The following VIT variants were observed in gnomAD, a reference collection of about 807,000 sequenced individuals.
VIT encodes vitrin.
VIT carries 99 observed loss-of-function variants against 78.0 expected under a neutral mutation model. The observed-to-expected ratio is 1.27, with a 90% CI of 1.08 to 1.50. The LOEUF is 1.50. VIT is among the 40% of genes most tolerant of loss of function. The probability of loss-of-function intolerance (pLI) is 0.00; values close to 1 mark genes in which losing one functional copy is unlikely to be tolerated. For synonymous variants in VIT, 374 were observed against 334.3 expected (o/e 1.12, Z -1.29); for missense variants, 1,126 against 875.3 (o/e 1.29, Z -3.61).
At chr2:36,745,662 T>C (rs757879992) in intron 4 of VIT, among the ~76,000 whole-genome samples, 83 of 152,274 alleles carry the variant, frequency 5.5e-4, no homozygotes, top group Middle Eastern at 3.4e-3. Context: ...GGTTTTGTAT[T>C]CGGAAAATTT....
At chr2:36,803,799 C>G (rs540880945) in intron 13 of VIT, among the ~76,000 whole-genome samples, 9 of 152,282 alleles carry the variant, frequency 5.9e-5, no homozygotes, top group East Asian at 1.9e-4. Context: ...AAAGAAGGTG[C>G]TTCTTAACTT....
At chr2:36,752,428 G>A (rs761927407) in intron 4 of VIT, among the ~76,000 whole-genome samples, 1 of 152,172 alleles carries the variant, frequency 6.6e-6, no homozygotes, top group Non-Finnish European at 1.5e-5. Flanking sequence ...CAGTCCCCTG[G>A]CACTGCAATC....
At chr2:36,771,066 C>G (rs1669721222) in intron 7 of VIT, among the ~76,000 whole-genome samples, 1 of 152,190 alleles carries the variant, frequency 6.6e-6, no homozygotes, top group Non-Finnish European at 1.5e-5. Context: ...ACTCATCTCA[C>G]CAGTGAAAGC....
rs566187554 is a variant in VIT at position 36,766,251 on chromosome 2, G to T, written c.488-843G>T. 3.3e-4 allele frequency among the ~76,000 whole-genome samples: 50 copies of T among 152,288 alleles called. 1 individual carries two copies. In the South Asian group the frequency reaches 7.2e-3, roughly 22 times the overall value. ...ACCATTTAGAAGTCGAATCTAGGCC[G>T]AGCACAGTGGCTTGCACCTGTCATC... On this transcript the variant is annotated intron_variant, in intron 6 of 15. Coordinates refer to ENST00000379242, the MANE Select transcript of VIT (RefSeq NM_053276.4).
At chr2:36,730,299 AC>A (rs1281136251) in intron 3 of VIT, among the ~76,000 whole-genome samples, 4 of 151,524 alleles carry the variant, frequency 2.6e-5, no homozygotes, top group East Asian at 3.9e-4. Flanking sequence ...AAAAAAAAAA[AC>A]AGGGGGAAAA....
intron 9 of VIT, among the ~76,000 whole-genome samples, chr2:36,777,928 T>G (rs1419356772): frequency 6.6e-6 from 1 of 152,160 alleles, no homozygotes; most frequent in African/African-American, 2.4e-5. Context: ...CCTTTGTGTT[T>G]AGATCAACCC....
intron 15 of VIT, among the ~76,000 whole-genome samples, chr2:36,812,153 G>A (rs918757566): frequency 1.3e-5 from 2 of 152,094 alleles, no homozygotes; most frequent in East Asian, 1.9e-4. Context: ...ACAATGTTCC[G>A]AGAAAAGAAA....
At position 36,767,102 on chromosome 2, in the gene VIT, AC is replaced by A; in HGVS notation, c.497del (p.Thr166LysfsTer19). ...ATTCCATTTTCTTACAGGTGAGACC[AC>A]AAAAGCCTATCAGAGGCCACCTATT... ...KSPAAQAGETTKAYQRPPIPG... is the reference protein window; with the variant it reads ...KSPAAQAGETXKAYQRPPIPG... On this transcript the variant is annotated frameshift_variant, in exon 7 of 16. Coordinates refer to ENST00000379242, the MANE Select transcript of VIT (RefSeq NM_053276.4). LOFTEE classifies it high-confidence loss of function. 6.3e-7 allele frequency: 1 copy of A among 1,598,528 alleles called. No individual in the cohort carries two copies. The highest frequency in any genetic ancestry group is 1.1e-5 in the South Asian group (1 of 88,296).
intron 4 of VIT, among the ~76,000 whole-genome samples, chr2:36,748,979 C>T (rs1027056179): frequency 1.3e-5 from 2 of 152,152 alleles, no homozygotes; most frequent in Non-Finnish European, 2.9e-5. Flanking sequence ...CTGAGCATCC[C>T]GTGTTTTCTC....
At chr2:36,745,552 G>A (rs983040131) in intron 4 of VIT, among the ~76,000 whole-genome samples, 4 of 151,996 alleles carry the variant, frequency 2.6e-5, no homozygotes, top group Non-Finnish European at 4.4e-5. Flanking sequence ...GTATTCCAAA[G>A]CATTTTCTTC....
At position 36,814,353 on chromosome 2, in the gene VIT, C is replaced by T. The variant is rs374717584; in HGVS notation, c.2074C>T (p.Arg692Trp). Residue 692 changes from arginine to tryptophan, a missense_variant, in exon 16 of 16, where the codon CGG becomes TGG. Coordinates refer to ENST00000379242, the MANE Select transcript of VIT (RefSeq NM_053276.4). The part of the protein sequence containing the change: ...NICTEFNSQP[R>W]N ...TTGTACAGAGTTCAACTCACAGCCTCGGAACTGAATTCAGAGCAGGCAGAG... is the reference window on the plus strand; with the variant it reads ...TTGTACAGAGTTCAACTCACAGCCTTGGAACTGAATTCAGAGCAGGCAGAG... 545 of 1,614,094 alleles carry T rather than the reference C, an allele frequency of 3.4e-4. 10 individuals carry two copies. In the South Asian group the frequency reaches 4.8e-3, roughly 14 times the overall value.
intron 12 of VIT, among the ~76,000 whole-genome samples, chr2:36,788,289 C>T (rs1379975109): frequency 6.6e-6 from 1 of 152,216 alleles, no homozygotes; most frequent in Non-Finnish European, 1.5e-5. Flanking sequence ...GCGGGGTCTC[C>T]AGCGCCTTCA....
chr2:36,753,941 G>A (rs1379240200), intron 4 of VIT, among the ~76,000 whole-genome samples: 2 of 152,192 alleles, frequency 1.3e-5, no homozygotes, highest in African/African-American at 4.8e-5. Flanking sequence ...AAAATCCCAG[G>A]TGAGTCCTGC....
chr2:36,749,129 C>T (rs545848708), intron 4 of VIT, among the ~76,000 whole-genome samples: 27 of 152,280 alleles, frequency 1.8e-4, no homozygotes, highest in African/African-American at 6.3e-4. Context: ...CTTTCATGTT[C>T]ATGAAAAGGA....
At position 36,808,436 on chromosome 2, in the gene VIT, C is replaced by T. The variant is rs201497332; in HGVS notation, c.1390-36C>T. 3,608 of 1,566,626 alleles carry T rather than the reference C, an allele frequency of 2.3e-3. 6 individuals are homozygous for T. Among genetic ancestry groups the T allele is most frequent in the Non-Finnish European group, 2.9e-3 (3,308 of 1,152,114 alleles). ...AATGGTGACACTGGAGGATTTGACCCTGACGTGGCGTGGGTCCCTCCCCTC... is the reference window on the plus strand; with the variant it reads ...AATGGTGACACTGGAGGATTTGACCTTGACGTGGCGTGGGTCCCTCCCCTC... On this transcript the variant is annotated intron_variant, in intron 14 of 15. Transcript: ENST00000379242.
chr2:36,761,833 G>T (rs559622037), intron 6 of VIT, among the ~76,000 whole-genome samples: 1 of 152,284 alleles, frequency 6.6e-6, no homozygotes, highest in South Asian at 2.1e-4. Flanking sequence ...AACCTTCTGT[G>T]ACTGTAGTCG....
chr2:36,778,314 T>G (rs575664539), intron 9 of VIT, among the ~76,000 whole-genome samples: 3 of 152,132 alleles, frequency 2.0e-5, no homozygotes, highest in African/African-American at 7.2e-5. Flanking sequence ...CTGCCAGCCT[T>G]TACCCCTCCT....
chr2:36,767,091 C>T lies in VIT; in HGVS notation c.488-3C>T. The T allele has an allele frequency of 1.3e-6, 2 of 1,578,268 alleles. No homozygotes were observed. Among genetic ancestry groups the T allele is most frequent in the Non-Finnish European group, 1.7e-6 (2 of 1,162,856 alleles). On this transcript the variant is annotated splice_polypyrimidine_tract_variant and splice_region_variant and intron_variant, in intron 6 of 15. Transcript: ENST00000379242. ...GCCTTGGTATAATTCCATTTTCTTA[C>T]AGGTGAGACCACAAAAGCCTATCAG... is the stretch of plus-strand genomic sequence containing the variant.
At chr2:36,787,388 G>A in intron 12 of VIT, 112 bp downstream of exon 12, 1 of 1,373,170 alleles carries the variant, frequency 7.3e-7, no homozygotes, top group Non-Finnish European at 9.7e-7. Context: ...CTTGAGCACA[G>A]ATTTGTTCTC....
Sources: gnomAD v4.1 joint callset for allele counts (sites outside exome capture counted in the v4.1 genomes callset) on GRCh38, gnomAD v4.1.1 for gene constraint, MANE v1.5 for transcripts, NCBI Gene and HGNC (gene_info 2026-07-23, HGNC 2026-07-21) for gene names.